The following UNC5C variants were observed in gnomAD, a reference collection of about 807,000 sequenced individuals.
UNC5C encodes unc-5 netrin receptor C, also known as netrin receptor UNC5C.
In UNC5C, 47 loss-of-function variants were observed where a neutral mutation model predicts 99.8. The ratio of observed to expected loss-of-function variants is 0.47; its 90% confidence interval spans 0.37 to 0.60. UNC5C has a LOEUF of 0.60. Ranked by LOEUF, UNC5C falls within the 20% of genes least tolerant of loss-of-function variation. The probability of loss-of-function intolerance (pLI) is 0.00; values close to 1 mark genes in which losing one functional copy is unlikely to be tolerated. For synonymous variants in UNC5C, 487 were observed against 452.2 expected (o/e 1.08, Z -0.98); for missense variants, 1,062 against 1,165.9 (o/e 0.91, Z 1.30).
chr4:95,498,944 T>A (rs1156406309), intron 1 of UNC5C, among the ~76,000 whole-genome samples: 1 of 152,122 alleles, frequency 6.6e-6, no homozygotes, highest in Non-Finnish European at 1.5e-5. Flanking sequence ...GTACTTGTGC[T>A]TAATTTTTTC....
At chr4:95,442,740 C>T (rs1053255754) in intron 1 of UNC5C, among the ~76,000 whole-genome samples, 6 of 152,072 alleles carry the variant, frequency 3.9e-5, no homozygotes, top group East Asian at 1.9e-4. Flanking sequence ...TATAATAATG[C>T]GCCAAATAAT....
chr4:95,502,869 A>C (rs1578198437), intron 1 of UNC5C, among the ~76,000 whole-genome samples: 1 of 152,180 alleles, frequency 6.6e-6, no homozygotes, highest in East Asian at 1.9e-4. Flanking sequence ...TCTCTCCCGC[A>C]AAGAATCGCA....
chr4:95,527,737 T>C (rs1722535100), intron 1 of UNC5C, among the ~76,000 whole-genome samples: 1 of 152,144 alleles, frequency 6.6e-6, no homozygotes, highest in South Asian at 2.1e-4. Flanking sequence ...TTTGAGAGAA[T>C]GTGGGGTGAT....
chr4:95,502,445 T>A (rs1721799148), intron 1 of UNC5C, among the ~76,000 whole-genome samples: 1 of 152,072 alleles, frequency 6.6e-6, no homozygotes, highest in African/African-American at 2.4e-5. Flanking sequence ...ATTTTTAAAA[T>A]TCTTTTGGTA....
chr4:95,380,633 A>T (rs6817220), intron 1 of UNC5C, among the ~76,000 whole-genome samples: 87,617 of 151,868 alleles, frequency 0.58, 25,704 homozygotes, highest in East Asian at 0.71. Flanking sequence ...AAAGACAAAA[A>T]ACAAAACAAA....
rs191293585 is a variant in UNC5C at position 95,293,012 on chromosome 4, G to C, written c.490+8594C>G. 1.3e-4 allele frequency among the ~76,000 whole-genome samples: 20 copies of C among 152,216 alleles called. 1 individual carries two copies. In the East Asian group the frequency reaches 2.7e-3, roughly 21 times the overall value. The stretch of plus-strand genomic sequence containing the variant: ...TATGGAGAACAATAAAGCAGGATTA[G>C]GATTAGGCAAGTGACAGGGTTGAGG... On this transcript the variant is annotated intron_variant, in intron 3 of 15. Transcript: ENST00000453304.
At chr4:95,195,658 C>T (rs547589749) in intron 12 of UNC5C, among the ~76,000 whole-genome samples, 8 of 152,270 alleles carry the variant, frequency 5.3e-5, no homozygotes, top group African/African-American at 1.7e-4. Context: ...AATATAACTA[C>T]CTTCTCCCTG....
Position 95,544,265 on chromosome 4 carries a change from G to A in UNC5C, c.124+4469C>T, listed in dbSNP as rs145663245. Among the ~76,000 whole-genome samples the A allele has an allele frequency of 6.9e-3, 1,043 of 152,228 alleles. 13 individuals are homozygous for A. Among genetic ancestry groups the A allele is most frequent in the African/African-American group, 0.024 (978 of 41,510 alleles). ...TAATCACTATGTTAACTGACAGAAT[G>A]GGCATACACCATTAACAGCTCTTAG... On this transcript the variant is annotated intron_variant, in intron 1 of 15. Transcript: ENST00000453304.
chr4:95,489,199 C>T (rs1560482181), intron 1 of UNC5C, among the ~76,000 whole-genome samples: 2 of 151,362 alleles, frequency 1.3e-5, no homozygotes, highest in South Asian at 2.1e-4. Context: ...AGATTTCAGA[C>T]ATGACGATAG....
chr4:95,204,318 T>C (rs1056538220), intron 11 of UNC5C, among the ~76,000 whole-genome samples: 1 of 152,222 alleles, frequency 6.6e-6, no homozygotes, highest in African/African-American at 2.4e-5. Flanking sequence ...AAAGACCATG[T>C]ATGGGATGCA....
chr4:95,307,826 C>T (rs910849687), intron 2 of UNC5C, among the ~76,000 whole-genome samples: 9 of 152,188 alleles, frequency 5.9e-5, no homozygotes, highest in Non-Finnish European at 1.2e-4. Context: ...ATTTACAAAT[C>T]GATCAATGTA....
At chr4:95,241,501 C>T in intron 7 of UNC5C, among the ~76,000 whole-genome samples, 1 of 152,100 alleles carries the variant, frequency 6.6e-6, no homozygotes, top group Non-Finnish European at 1.5e-5. Context: ...AGTACAAATA[C>T]CTTTGCACAA....
intron 1 of UNC5C, among the ~76,000 whole-genome samples, chr4:95,438,436 T>C (rs1746851488): frequency 2.0e-5 from 1 of 50,146 alleles, no homozygotes; most frequent in African/African-American, 5.1e-5. Context: ...GGAACGTCTC[T>C]TTTTGAAAAT....
chr4:95,416,680 C>G (rs1401005296), intron 1 of UNC5C, among the ~76,000 whole-genome samples: 2 of 152,140 alleles, frequency 1.3e-5, no homozygotes, highest in Non-Finnish European at 2.9e-5. Context: ...CTTTCACTTT[C>G]AAAACTTCTA....
At chr4:95,499,956 G>T (rs528252428) in intron 1 of UNC5C, among the ~76,000 whole-genome samples, 2 of 120,348 alleles carry the variant, frequency 1.7e-5, no homozygotes, top group South Asian at 6.3e-4. Context: ...TAAATTTCAG[G>T]AAACAGTAGG....
intron 4 of UNC5C, among the ~76,000 whole-genome samples, chr4:95,255,668 G>A (rs1317480925): frequency 2.0e-5 from 3 of 152,054 alleles, no homozygotes; most frequent in African/African-American, 4.8e-5. Context: ...CTATTCAAGG[G>A]CAAGTCCCAG....
At chr4:95,482,796 G>T (rs1319103427) in intron 1 of UNC5C, among the ~76,000 whole-genome samples, 1 of 125,610 alleles carries the variant, frequency 8.0e-6, no homozygotes, top group Non-Finnish European at 1.7e-5. Context: ...ACTCATAGAT[G>T]GGAATTGAAC....
At chr4:95,277,618 A>G (rs190509320) in intron 4 of UNC5C, among the ~76,000 whole-genome samples, 2 of 152,328 alleles carry the variant, frequency 1.3e-5, no homozygotes, top group East Asian at 1.9e-4. Flanking sequence ...AGGACATGGT[A>G]TTGTGTGTTG....
intron 2 of UNC5C, among the ~76,000 whole-genome samples, chr4:95,314,964 G>T (rs533095598): frequency 1.3e-5 from 2 of 152,124 alleles, no homozygotes; most frequent in African/African-American, 2.4e-5. Context: ...AGGCAGTTGG[G>T]CATAATATTA....
Sources: gnomAD v4.1 joint callset for allele counts (sites outside exome capture counted in the v4.1 genomes callset) on GRCh38, gnomAD v4.1.1 for gene constraint, MANE v1.5 for transcripts, NCBI Gene and HGNC (gene_info 2026-07-23, HGNC 2026-07-21) for gene names.